CDC14A: variants seen among roughly 807,000 people sequenced by gnomAD.
CDC14A encodes dual specificity protein phosphatase CDC14A.
In CDC14A, 53 loss-of-function variants were observed where a neutral mutation model predicts 74.4. The ratio of observed to expected loss-of-function variants is 0.71; its 90% confidence interval spans 0.57 to 0.89. CDC14A has a LOEUF of 0.89. Ranked by LOEUF, CDC14A falls within the 40% of genes least tolerant of loss-of-function variation. The pLI is 0.00. For synonymous variants in CDC14A, 247 were observed against 258.4 expected, an observed-to-expected ratio of 0.96 and a Z score of 0.43; for missense variants, 646 against 713.7, an observed-to-expected ratio of 0.91 and a Z score of 1.08.
rs181213220 is a variant in CDC14A, at chr1:100,454,851, C to G, written c.520-554C>G. 5.3e-5 allele frequency among the ~76,000 whole-genome samples: 8 copies of G among 152,198 alleles called. No individual in the cohort carries two copies. In the East Asian group the frequency reaches 1.4e-3, roughly 26 times the overall value. On this transcript the variant is annotated intron_variant, in intron 7 of 15. Coordinates refer to ENST00000336454, the MANE Select transcript of CDC14A (RefSeq NM_003672.4). ...TTGAATCTTGTTATCCTCCAGAGTA[C>G]AGCTTGGCTGACTCTGGTTTGTGGA...
At chr1:100,419,644 T>G (rs1662008073) in intron 4 of CDC14A, among the ~76,000 whole-genome samples, 3 of 152,032 alleles carry the variant, frequency 2.0e-5, no homozygotes, top group African/African-American at 7.2e-5. Context: ...GTAAATGGAG[T>G]CTCTCCTTTT....
intron 2 of CDC14A, among the ~76,000 whole-genome samples, chr1:100,364,454 C>T (rs936256703): frequency 1.3e-5 from 2 of 151,530 alleles, no homozygotes; most frequent in Admixed American, 6.6e-5. Flanking sequence ...CCTCGTGATC[C>T]GCCCGCCTCG....
chr1:100,386,526 C>G (rs1027874376), intron 3 of CDC14A, among the ~76,000 whole-genome samples: 1 of 152,038 alleles, frequency 6.6e-6, no homozygotes, highest in African/African-American at 2.4e-5. Flanking sequence ...GCCCACTCAT[C>G]ATATTTGCTT....
chr1:100,360,359 T>TG (rs563270890), intron 2 of CDC14A, among the ~76,000 whole-genome samples: 1 of 151,588 alleles, frequency 6.6e-6, no homozygotes, highest in Non-Finnish European at 1.5e-5. Context: ...TTTTTTTTTT[T>TG]TTGAAACAGG....
At position 100,508,964 on chromosome 1, in the gene CDC14A, C is replaced by T. The variant is rs982143198; in HGVS notation, c.1756-9287C>T. ...GAGGGTAGTTTGGAGTGTACCATCT[C>T]GACATGAAGTAGGTCCAGTCTCTGC... On this transcript the variant is annotated intron_variant, in intron 15 of 15. Transcript: ENST00000336454. The surrounding 1 kb of genome is among the most constrained non-coding windows in gnomAD (Gnocchi z 4.4). 2.0e-5 allele frequency among the ~76,000 whole-genome samples: 3 copies of T among 152,124 alleles called. No individual in the cohort carries two copies. Among genetic ancestry groups the T allele is most frequent in the African/African-American group, 4.8e-5 (2 of 41,416 alleles).
chr1:100,404,722 C>T (rs1183976255), intron 4 of CDC14A, among the ~76,000 whole-genome samples: 6 of 151,918 alleles, frequency 3.9e-5, no homozygotes, highest in South Asian at 2.1e-4. Flanking sequence ...CCCAGCTACT[C>T]GGGAGGCTGA....
chr1:100,454,669 A>T (rs751958502), intron 7 of CDC14A, among the ~76,000 whole-genome samples: 1 of 152,194 alleles, frequency 6.6e-6, no homozygotes, highest in Non-Finnish European at 1.5e-5. Context: ...ATTTGGTTTC[A>T]CAGGAGTTAA....
chr1:100,434,813 G>A (rs1205325845), intron 5 of CDC14A, among the ~76,000 whole-genome samples: 1 of 152,062 alleles, frequency 6.6e-6, no homozygotes, highest in Non-Finnish European at 1.5e-5. Context: ...ACACCCGAAC[G>A]GAAATGCCAT....
intron 3 of CDC14A, among the ~76,000 whole-genome samples, chr1:100,390,416 G>A (rs1657535435): frequency 6.6e-6 from 1 of 152,144 alleles, no homozygotes; most frequent in African/African-American, 2.4e-5. Context: ...ACTTTCTGTA[G>A]AAGATTTAGA....
chr1:100,477,272 T>C (rs1258924053), intron 10 of CDC14A, among the ~76,000 whole-genome samples: 2 of 152,076 alleles, frequency 1.3e-5, no homozygotes, highest in Non-Finnish European at 2.9e-5. Context: ...TTTGTATAGA[T>C]AGCAAATATG....
intron 4 of CDC14A, among the ~76,000 whole-genome samples, chr1:100,414,779 T>C (rs1557735016): frequency 6.6e-6 from 1 of 152,206 alleles, no homozygotes; most frequent in African/African-American, 2.4e-5. Context: ...TTTAGCTGCA[T>C]GTTGTAACAT....
chr1:100,462,949 CAT>C, intron 9 of CDC14A, 68 bp downstream of exon 9: 2 of 1,187,014 alleles, frequency 1.7e-6, no homozygotes, highest in Non-Finnish European at 1.2e-6. Context: ...GAGCAAATAA[CAT>C]AAAACAAAAC....
chr1:100,377,177 A>T (rs1324769289), intron 2 of CDC14A, among the ~76,000 whole-genome samples: 3 of 151,848 alleles, frequency 2.0e-5, no homozygotes, highest in African/African-American at 7.3e-5. Context: ...AGTAGCTGGG[A>T]TTATAGGCAA....
At chr1:100,386,621 C>A (rs996079393) in intron 3 of CDC14A, among the ~76,000 whole-genome samples, 1 of 152,102 alleles carries the variant, frequency 6.6e-6, no homozygotes, top group African/African-American at 2.4e-5. Context: ...CATAGTGAAA[C>A]CCCATCTCTA....
intron 5 of CDC14A, among the ~76,000 whole-genome samples, chr1:100,433,927 TATAAG>T (rs1215529782): frequency 6.6e-6 from 1 of 152,226 alleles, no homozygotes; most frequent in Non-Finnish European, 1.5e-5. Flanking sequence ...TGAGAGCCTA[TATAAG>T]ACAGTGCTGG....
intron 4 of CDC14A, among the ~76,000 whole-genome samples, chr1:100,408,386 A>G (rs1382676411): frequency 6.6e-6 from 1 of 152,196 alleles, no homozygotes; most frequent in Non-Finnish European, 1.5e-5. Flanking sequence ...GCACATGTGC[A>G]TGTGTCTTTA....
In CDC14A at chr1:100,359,607, G is replaced by A. The variant is rs148677711; in HGVS notation, c.140+5755G>A. On this transcript the variant is annotated intron_variant, in intron 2 of 15. Transcript: ENST00000336454. ...TTTTCTTTGTAATTTCACTTTTGGGGGGTATAATTTTGCCTTTTTTTTCCT... is the reference window on the plus strand; with the variant it reads ...TTTTCTTTGTAATTTCACTTTTGGGAGGTATAATTTTGCCTTTTTTTTCCT... Among the ~76,000 whole-genome samples, 650 of 152,166 alleles carry A rather than the reference G, an allele frequency of 4.3e-3. 7 individuals carry two copies. Among genetic ancestry groups the A allele is most frequent in the African/African-American group, 0.015 (629 of 41,508 alleles).
upstream of CDC14A, among the ~76,000 whole-genome samples, chr1:100,347,989 A>G (rs1010148445): frequency 2.6e-5 from 4 of 152,200 alleles, no homozygotes; most frequent in African/African-American, 9.7e-5. Flanking sequence ...TTCCAGCAAG[A>G]AAGAATATTT....
At chr1:100,433,256 A>C (rs1350542536) in intron 5 of CDC14A, among the ~76,000 whole-genome samples, 1 of 152,136 alleles carries the variant, frequency 6.6e-6, no homozygotes, top group East Asian at 1.9e-4. Context: ...GGTAATGATC[A>C]TTTATTCATT....
Sources: gnomAD v4.1 joint callset for allele counts (sites outside exome capture counted in the v4.1 genomes callset) on GRCh38, gnomAD v4.1.1 for gene constraint, Gnocchi (gnomAD v3.1) non-coding constraint, MANE v1.5 for transcripts, NCBI Gene and HGNC (gene_info 2026-07-23, HGNC 2026-07-21) for gene names.